CD109: variants seen among roughly 807,000 people sequenced by gnomAD.
CD109 encodes the protein CD109 antigen.
CD109 carries 149 observed loss-of-function variants against 165.8 expected under a neutral mutation model. The ratio of observed to expected loss-of-function variants is 0.90; its 90% CI spans 0.79 to 1.03. The LOEUF (loss-of-function observed/expected upper bound fraction) is 1.03. Among genes scored for constraint, CD109 ranks in the 50% least tolerant of loss-of-function variants. The probability of loss-of-function intolerance (pLI) is 0.00; values close to 1 mark genes in which losing one functional copy is unlikely to be tolerated. For missense variants in CD109, 1,712 were observed against 1,677.8 expected, an observed-to-expected ratio of 1.02 and a Z score of -0.36; for synonymous variants, 585 against 592.1, an observed-to-expected ratio of 0.99 and a Z score of 0.18.
At position 73,711,808 on chromosome 6, in the gene CD109, A is replaced by ATTT. The variant is rs1771547694; in HGVS notation, c.248-11441_248-11440insTTT. On this transcript the variant is annotated intron_variant, in intron 2 of 32. Transcript: ENST00000287097. ...CGCCTCGGCCTCCCAAAGTGCTGGG[A>ATTT]TTACAGGCGTGAGCCACCGCGCCCG... 6.8e-5 allele frequency among the ~76,000 whole-genome samples: 2 copies of ATTT among 29,408 alleles called. 1 individual carries two copies. Among genetic ancestry groups the ATTT allele is most frequent in the Non-Finnish European group, 2.1e-4 (2 of 9,512 alleles). The allele number at this position is 29,408 out of a possible 152,430, so 19.3% of individuals were successfully genotyped here.
chr6:73,757,820 A>G (rs1445797449), intron 6 of CD109, among the ~76,000 whole-genome samples: 1 of 152,260 alleles, frequency 6.6e-6, no homozygotes, highest in African/African-American at 2.4e-5. Flanking sequence ...AAATTTGACT[A>G]CTAGAAATGA....
chr6:73,755,464 A>G (rs1188119923), intron 5 of CD109, among the ~76,000 whole-genome samples: 3 of 152,212 alleles, frequency 2.0e-5, no homozygotes, highest in Non-Finnish European at 2.9e-5. Context: ...TAGGACTGAA[A>G]AATAACTTCG....
chr6:73,707,962 T>TTATATATATATA (rs200081535), intron 2 of CD109, among the ~76,000 whole-genome samples: 9 of 126,788 alleles, frequency 7.1e-5, no homozygotes, highest in East Asian at 4.3e-4. Flanking sequence ...ATTGTTATCT[T>TTATATATATATA]TATATATATA....
intron 5 of CD109, among the ~76,000 whole-genome samples, chr6:73,746,643 G>A (rs192713798): frequency 3.1e-4 from 47 of 151,750 alleles, no homozygotes; most frequent in Non-Finnish European, 5.7e-4. Context: ...ACTGCATAAT[G>A]TATTTGTACT....
chr6:73,763,542 T>G (rs776978300), intron 9 of CD109, 34 bp from the exon 10 acceptor site: 3 of 1,232,946 alleles, frequency 2.4e-6, no homozygotes. Context: ...GAAACATTAC[T>G]TTTGCTTTCT....
chr6:73,777,033 G>GGAGTGCAGAGTGGTATGATCTCGGCTCA (rs1774275071), intron 15 of CD109, among the ~76,000 whole-genome samples: 1 of 96,748 alleles, frequency 1.0e-5, no homozygotes, highest in Non-Finnish European at 2.0e-5. Flanking sequence ...TGTTGCCCAC[G>GGAGTGCAGAGTGGTATGATCTCGGCTCA]CTGCAACCTC....
the CD109 span, among the ~76,000 whole-genome samples, chr6:73,689,834 AATT>A: frequency 1.3e-5 from 2 of 152,344 alleles, no homozygotes; most frequent in South Asian, 2.1e-4. Context: ...ATTTATTGTC[AATT>A]ATTATTATGA....
At chr6:73,695,733 A>C (rs1211848171), upstream of CD109, 1 of 171,086 alleles carries the variant, frequency 5.8e-6, no homozygotes, top group Non-Finnish European at 1.2e-5. Flanking sequence ...CCGTTTCTCT[A>C]AAATTCTGAC....
In CD109 at chr6:73,766,095, A is replaced by C. The variant is rs758964670; in HGVS notation, c.1273A>C (p.Ser425Arg). The part of the protein sequence containing the change: ...VQKINYTVPQ[S>R]GTFKIEFPIL... ...GAAAATAAATTATACTGTCCCCCAA[A>C]GTGGAACTTTTAAGATTGAATTCCC... Residue 425 changes from serine to arginine, a missense_variant, in exon 11 of 33, where the codon AGT (serine) becomes CGT (arginine). Ser to Arg is a moderately radical substitution (Grantham distance 110). Coordinates refer to ENST00000287097, the MANE Select transcript of CD109 (RefSeq NM_133493.5). 1.9e-6 allele frequency: 3 copies of C among 1,614,138 alleles called. No individual in the cohort carries two copies. The highest frequency in any genetic ancestry group is 8.5e-7 in the Non-Finnish European group (1 of 1,180,000).
At chr6:73,810,814 A>G (rs1198256194) in intron 27 of CD109, among the ~76,000 whole-genome samples, 178 bp from the exon 28 acceptor site, 1 of 152,208 alleles carries the variant, frequency 6.6e-6, no homozygotes, top group Non-Finnish European at 1.5e-5. Context: ...AAAACATTTC[A>G]GCAAACATTT....
chr6:73,698,125 A>G (rs1198375813), intron 2 of CD109, among the ~76,000 whole-genome samples: 1 of 152,192 alleles, frequency 6.6e-6, no homozygotes, highest in Non-Finnish European at 1.5e-5. Context: ...GTAACAAGAG[A>G]AAAAAAGAAA....
At chr6:73,805,751 C>G (rs888108554) in intron 24 of CD109, among the ~76,000 whole-genome samples, 2 of 152,128 alleles carry the variant, frequency 1.3e-5, no homozygotes, top group African/African-American at 2.4e-5. Context: ...TGACTCTTAA[C>G]GAGCATGCTG....
chr6:73,730,374 G>A lies in CD109; in HGVS notation c.307G>A (p.Glu103Lys). Residue 103 changes from glutamate to lysine, a missense_variant, in exon 4 of 33, where the codon GAG (glutamate) becomes AAG (lysine). Glu to Lys is a moderately conservative substitution (Grantham distance 56). Coordinates refer to ENST00000287097, the MANE Select transcript of CD109 (RefSeq NM_133493.5). ...LPLNSADEIY[E>K]LRVTGRTQDE... is the part of the protein sequence containing the mutation. ...TCTGAACAGTGCAGATGAGATTTAT[G>A]AGCTACGTGTAACCGGACGTACCCA... 6.2e-7 allele frequency: 1 copy of A among 1,613,550 alleles called. No individual in the cohort carries two copies. Among genetic ancestry groups the A allele is most frequent in the African/African-American group, 1.3e-5 (1 of 74,992 alleles).
At chr6:73,765,206 G>A (rs1220887129) in intron 10 of CD109, among the ~76,000 whole-genome samples, 1 of 152,090 alleles carries the variant, frequency 6.6e-6, no homozygotes, top group African/African-American at 2.4e-5. Flanking sequence ...CTCAGGTAGT[G>A]TTTGAGGGAG....
chr6:73,781,212 G>T (rs1184418438), intron 16 of CD109, 47 bp from the exon 17 acceptor site: 1 of 1,475,332 alleles, frequency 6.8e-7, no homozygotes, highest in Non-Finnish European at 9.4e-7. Flanking sequence ...AATTTAGTGA[G>T]CATTTAAACT....
At position 73,782,348 on chromosome 6, in the gene CD109, A is replaced by G. The variant is rs143658384; in HGVS notation, c.1964-266A>G. ...TTTCCATTTTTCAGTCTCAGTTTTT[A>G]CCCATCTTTGTTCTTTTTTACATAT... On this transcript the variant is annotated intron_variant, in intron 17 of 32. Transcript: ENST00000287097. 5.5e-4 allele frequency among the ~76,000 whole-genome samples: 84 copies of G among 152,138 alleles called. 1 individual carries two copies. Among genetic ancestry groups the G allele is most frequent in the African/African-American group, 2.0e-3 (81 of 41,524 alleles).
At chr6:73,814,942 A>T in intron 29 of CD109, 39 bp from the exon 30 acceptor site, 2 of 1,425,542 alleles carry the variant, frequency 1.4e-6, no homozygotes, top group Non-Finnish European at 1.8e-6. Context: ...ATGGAAATTT[A>T]TGTCCAACTT....
chr6:73,696,332 TG>T, intron 1 of CD109, 43 bp downstream of exon 1: 1 of 1,376,380 alleles, frequency 7.3e-7, no homozygotes, highest in Non-Finnish European at 9.3e-7. Flanking sequence ...CGCGCGGGCC[TG>T]GGCCGCTCTG....
At chr6:73,734,276 G>A (rs1357756510) in intron 4 of CD109, among the ~76,000 whole-genome samples, 1 of 152,136 alleles carries the variant, frequency 6.6e-6, no homozygotes, top group East Asian at 1.9e-4. Flanking sequence ...CATCAATGAG[G>A]TCAGTTCAGA....
Sources: allele counts gnomAD v4.1 joint callset (sites outside exome capture counted in the v4.1 genomes callset), GRCh38; gene constraint gnomAD v4.1.1; transcripts MANE v1.5; gene names NCBI Gene and HGNC (gene_info 2026-07-23, HGNC 2026-07-21).